TECTA: variants seen among roughly 807,000 people sequenced by gnomAD.
TECTA encodes the protein tectorin alpha, also known as alpha-tectorin.
TECTA carries 128 observed loss-of-function variants against 216.8 expected under a neutral mutation model. That is an observed-to-expected ratio of 0.59 (90% CI 0.51 to 0.68). The LOEUF (loss-of-function observed/expected upper bound fraction) is 0.68, where lower values mean the gene tolerates loss of function less well. Among genes scored for constraint, TECTA ranks in the 30% least tolerant of loss-of-function variants. The pLI, the probability that TECTA is intolerant of heterozygous loss-of-function variation, is 0.00. For missense variants in TECTA, 2,551 were observed against 2,786.2 expected (o/e 0.92, Z 1.90); for synonymous variants, 1,089 against 1,117.1 (o/e 0.97, Z 0.50).
chr11:121,125,784 G>T lies in TECTA; in HGVS notation c.1686G>T (p.Thr562=), dbSNP rs144615423. The part of the protein sequence containing the change: ...YDLCSVRDNG[T]LLCQAIQAYA... ...TGTGCAGTGTGAGGGACAATGGCAC[G>T]CTCCTCTGCCAAGCCATCCAGGCCT... Residue 562 remains threonine, a synonymous_variant, in exon 8 of 24, where the codon ACG becomes ACT. Transcript: ENST00000392793. The T allele has an allele frequency of 1.9e-6, 3 of 1,613,994 alleles. No individual in the cohort carries two copies. Among genetic ancestry groups the T allele is most frequent in the Non-Finnish European group, 2.5e-6 (3 of 1,180,046 alleles).
At chr11:121,154,493 A>T (rs1398992267) in intron 13 of TECTA, among the ~76,000 whole-genome samples, 1 of 152,204 alleles carries the variant, frequency 6.6e-6, no homozygotes, top group African/African-American at 2.4e-5. Context: ...AATTGAGGAG[A>T]AGATATAACC....
At chr11:121,108,630 C>T (rs1946413635) in intron 3 of TECTA, among the ~76,000 whole-genome samples, 1 of 149,828 alleles carries the variant, frequency 6.7e-6, no homozygotes, top group Non-Finnish European at 1.5e-5. Context: ...ACTCCCCACC[C>T]CAGAATACAC....
chr11:121,142,390 G>T (rs1398660415), intron 11 of TECTA, among the ~76,000 whole-genome samples: 1 of 152,090 alleles, frequency 6.6e-6, no homozygotes, highest in Non-Finnish European at 1.5e-5. Context: ...AGAGAGAGAG[G>T]CAGGGCAGTG....
chr11:121,171,890 G>A (rs887474462), intron 20 of TECTA, among the ~76,000 whole-genome samples: 1 of 152,074 alleles, frequency 6.6e-6, no homozygotes, highest in South Asian at 2.1e-4. Context: ...TCCCAGTTTG[G>A]ATGTCTTTTA....
chr11:121,180,735 G>A lies in TECTA; in HGVS notation c.6000-7097G>A, dbSNP rs184676703. On this transcript the variant is annotated intron_variant, in intron 20 of 23. Coordinates refer to ENST00000392793, the MANE Select transcript of TECTA (RefSeq NM_005422.4). ...CCTTTGGACATCTTTTGCCCTTCTG[G>A]AACTCCCCAAATTGGTATATTTGGT... 3.2e-3 allele frequency among the ~76,000 whole-genome samples: 487 copies of A among 150,596 alleles called. 3 individuals carry two copies. Among genetic ancestry groups the A allele is most frequent in the African/African-American group, 0.011 (457 of 41,070 alleles).
Position 121,137,795 on chromosome 11 carries a change from G to A in TECTA, c.3316G>A (p.Gly1106Ser), listed in dbSNP as rs752086263. 10 of 1,613,710 alleles carry A rather than the reference G, an allele frequency of 6.2e-6. 1 individual carries two copies. In the South Asian group the frequency reaches 6.6e-5, roughly 11 times the overall value. ...TDASCIVSGY[G>S]HYLTFDGFPF... ...CGCCTCCTGCATCGTCTCAGGCTAC[G>A]GCCACTACCTCACCTTTGATGGCTT... is the stretch of plus-strand genomic sequence containing the variant. The change falls in exon 11 of 24, where the codon GGC becomes AGC. Residue 1106 changes from glycine to serine, a missense_variant. Around this residue, in one of 3 missense-constraint regions of TECTA, gnomAD observed 2,375 missense variants for 2,563.9 expected, o/e 0.93. Coordinates refer to ENST00000392793, the MANE Select transcript of TECTA (RefSeq NM_005422.4).
In TECTA at chr11:121,137,574, C is replaced by T. The variant is rs1011014786; in HGVS notation, c.3095C>T (p.Thr1032Met). The T allele has an allele frequency of 2.5e-6, 4 of 1,613,888 alleles. No homozygotes were observed. Among genetic ancestry groups the T allele is most frequent in the Middle Eastern group, 1.6e-4 (1 of 6,062 alleles). The change falls in exon 11 of 24, where the codon ACG becomes ATG. Residue 1032 changes from threonine (T) to methionine (M), a missense_variant. Thr to Met is a moderately conservative substitution (Grantham distance 81). Transcript: ENST00000392793. Reference sequence around the variant, plus strand: ...GCTCTACTGGGCAGCCAGTGTGTCACGCGGAGTGAGTGTGGCTGCAACTTT... The same window carrying T: ...GCTCTACTGGGCAGCCAGTGTGTCATGCGGAGTGAGTGTGGCTGCAACTTT... ...GYALLGSQCVTRSECGCNFEG... is the reference protein window; with the variant it reads ...GYALLGSQCVMRSECGCNFEG...
At position 121,157,896 on chromosome 11, in the gene TECTA, G is replaced by C. The variant is rs1490567542; in HGVS notation, c.4361G>C (p.Arg1454Pro). ...ACGCGGCGCTGCCGCTGTTTCCGTC[G>C]CAACGTGATTCAGTGCGACCCGCGC... Reference protein sequence around the residue: ...DCTRRCRCFRRNVIQCDPRQC... With the variant: ...DCTRRCRCFRPNVIQCDPRQC... Residue 1454 changes from arginine (R) to proline (P), a missense_variant, in exon 14 of 24, where the codon CGC (arginine) becomes CCC (proline). Coordinates refer to ENST00000392793, the MANE Select transcript of TECTA (RefSeq NM_005422.4). The C allele has an allele frequency of 1.2e-6, 2 of 1,614,108 alleles. No individual in the cohort carries two copies. The highest frequency in any genetic ancestry group is 1.3e-5 in the African/African-American group (1 of 74,948).
In TECTA at chr11:121,113,340, C is replaced by A; in HGVS notation, c.624+131C>A. 8 of 1,537,092 alleles carry A rather than the reference C, an allele frequency of 5.2e-6. No individual in the cohort carries two copies. The highest frequency in any genetic ancestry group is 7.1e-6 in the Non-Finnish European group (8 of 1,124,076). ...ACGCAGGTCTGATCTCGCAGGTGGA[C>A]TACGAGGCTAGTCCTGCCCATGTTT... On this transcript the variant is annotated intron_variant, in intron 5 of 23. Transcript: ENST00000392793. This position sits in a 1 kb window ranked among gnomAD's most constrained non-coding sequence, Gnocchi z 4.2.
At chr11:121,147,489 G>A (rs1946848862) in intron 12 of TECTA, among the ~76,000 whole-genome samples, 1 of 152,142 alleles carries the variant, frequency 6.6e-6, no homozygotes, top group African/African-American at 2.4e-5. Context: ...GGTGGGAAAT[G>A]GTGCCAGTAG....
intron 20 of TECTA, among the ~76,000 whole-genome samples, chr11:121,170,414 G>A (rs978953614): frequency 6.6e-6 from 1 of 151,564 alleles, no homozygotes; most frequent in African/African-American, 2.4e-5. Context: ...TTTTTAGTGG[G>A]GTTTTTTTGT....
intron 6 of TECTA, among the ~76,000 whole-genome samples, chr11:121,115,699 G>T (rs1482163366): frequency 6.6e-6 from 1 of 152,130 alleles, no homozygotes; most frequent in Non-Finnish European, 1.5e-5. Flanking sequence ...ACCCAGACTG[G>T]CTAGAGAACA....
chr11:121,164,170 A>G (rs556634326), intron 16 of TECTA, among the ~76,000 whole-genome samples: 2 of 152,182 alleles, frequency 1.3e-5, no homozygotes, highest in African/African-American at 4.8e-5. Context: ...GTGTGTGGGT[A>G]TGTGTGTCTG....
chr11:121,168,300 G>C, intron 19 of TECTA, 83 bp downstream of exon 19: 3 of 1,557,124 alleles, frequency 1.9e-6, no homozygotes, highest in Non-Finnish European at 2.7e-6. Flanking sequence ...GCTAGCGTTT[G>C]TCTTTGATGC....
At position 121,166,752 on chromosome 11, in the gene TECTA, C is replaced by T; in HGVS notation, c.5558C>T (p.Thr1853Ile). The change falls in exon 18 of 24, where the codon ACC (threonine) becomes ATC (isoleucine). Residue 1853 changes from threonine (T) to isoleucine (I), a missense_variant. Thr to Ile is a moderately conservative substitution (Grantham distance 89). Transcript: ENST00000392793. ...TTTATCTCCTTTCAGATCAACAACA[C>T]CAAAGGGAATTGTGGAAACATTGTG... ...EDFISFQINN[T>I]KGNCGNIVQS... 1.9e-6 allele frequency: 3 copies of T among 1,614,116 alleles called. No homozygotes were observed. Among genetic ancestry groups the T allele is most frequent in the Middle Eastern group, 3.3e-4 (2 of 6,062 alleles).
At chr11:121,184,752 C>T (rs1947264143) in intron 20 of TECTA, among the ~76,000 whole-genome samples, 1 of 152,124 alleles carries the variant, frequency 6.6e-6, no homozygotes, top group Non-Finnish European at 1.5e-5. Context: ...TGGTGAATGG[C>T]ATGGGTTGCT....
intron 6 of TECTA, among the ~76,000 whole-genome samples, chr11:121,114,336 A>T (rs1044665303): frequency 3.9e-5 from 6 of 152,226 alleles, no homozygotes; most frequent in Admixed American, 3.3e-4. Flanking sequence ...GATGTCCTTC[A>T]CATTGGGCAC....
chr11:121,173,214 T>C (rs909500708), intron 20 of TECTA, among the ~76,000 whole-genome samples: 8 of 151,098 alleles, frequency 5.3e-5, no homozygotes, highest in African/African-American at 1.9e-4. Flanking sequence ...TTTGTCAATT[T>C]TGGTTTTTGT....
At chr11:121,178,646 GT>G (rs967780502) in intron 20 of TECTA, among the ~76,000 whole-genome samples, 1 of 150,948 alleles carries the variant, frequency 6.6e-6, no homozygotes, top group Non-Finnish European at 1.5e-5. Flanking sequence ...TTCATCTTCA[GT>G]TTTTTTTGAA....
Sources: gnomAD v4.1 joint callset for allele counts (sites outside exome capture counted in the v4.1 genomes callset) on GRCh38, gnomAD v4.1.1 for gene constraint, gnomAD v4.1.1 regional missense constraint, Gnocchi (gnomAD v3.1) non-coding constraint, MANE v1.5 for transcripts, NCBI Gene and HGNC (gene_info 2026-07-23, HGNC 2026-07-21) for gene names.